The following CDH13 variants were observed in gnomAD, a reference collection of about 807,000 sequenced individuals.
The protein encoded by CDH13 is cadherin 13, also known as cadherin-13.
A neutral mutation model predicts 63.8 loss-of-function variants in CDH13; 24 were observed. The observed-to-expected ratio is 0.38, with a 90% confidence interval of 0.27 to 0.53. CDH13 has a LOEUF of 0.53. Among genes scored for constraint, CDH13 ranks in the 20% least tolerant of loss-of-function variants. The probability of loss-of-function intolerance (pLI) is 0.85; values close to 1 mark genes in which losing one functional copy is unlikely to be tolerated. For missense variants in CDH13, 1,049 were observed against 903.1 expected (o/e 1.16, Z -2.07); for synonymous variants, 503 against 355.3 (o/e 1.42, Z -4.67).
At chr16:82,725,665 A>G (rs1308794101) in intron 1 of CDH13, among the ~76,000 whole-genome samples, 1 of 152,114 alleles carries the variant, frequency 6.6e-6, no homozygotes, top group African/African-American at 2.4e-5. Context: ...TTCTCTATAC[A>G]TTGTACCTTT....
chr16:82,666,648 C>G (rs957661257), intron 1 of CDH13, among the ~76,000 whole-genome samples: 1 of 152,180 alleles, frequency 6.6e-6, no homozygotes, highest in South Asian at 2.1e-4. Context: ...GTTAACCATA[C>G]AACAACCATG....
intron 2 of CDH13, among the ~76,000 whole-genome samples, chr16:82,885,466 C>CCAT (rs112379822): frequency 7.7e-6 from 1 of 129,224 alleles, no homozygotes; most frequent in South Asian, 2.8e-4. Context: ...CATCCACCTA[C>CCAT]CCATCCATCC....
At chr16:83,042,002 T>C (rs1654776669) in intron 3 of CDH13, among the ~76,000 whole-genome samples, 1 of 152,208 alleles carries the variant, frequency 6.6e-6, no homozygotes, top group Non-Finnish European at 1.5e-5. Context: ...TAGACAAAAA[T>C]ACTTTTGCAC....
intron 3 of CDH13, among the ~76,000 whole-genome samples, chr16:83,105,816 G>T (rs1423237841): frequency 6.6e-6 from 1 of 152,188 alleles, no homozygotes; most frequent in Non-Finnish European, 1.5e-5. Flanking sequence ...GTGTATGTCT[G>T]TGTGTATCTG....
intron 1 of CDH13, among the ~76,000 whole-genome samples, chr16:82,730,967 A>C (rs935771918): frequency 6.6e-6 from 1 of 152,236 alleles, no homozygotes; most frequent in African/African-American, 2.4e-5. Context: ...TGATTATTTT[A>C]CTACATTTTA....
intron 6 of CDH13, among the ~76,000 whole-genome samples, chr16:83,352,466 G>A (rs2090972750): frequency 1.3e-5 from 2 of 152,024 alleles, no homozygotes; most frequent in Non-Finnish European, 2.9e-5. Context: ...TGCTACTACT[G>A]GGCGTCTACA....
chr16:83,790,577 G>C (rs1916193433), intron 13 of CDH13, among the ~76,000 whole-genome samples: 1 of 151,906 alleles, frequency 6.6e-6, no homozygotes, highest in African/African-American at 2.4e-5. Flanking sequence ...TGTTGTTTTT[G>C]TATTTTTAGT....
In CDH13 at chr16:82,627,019, C is replaced by A. The variant is rs749406850; in HGVS notation, c.-74C>A. ...GGCAGAGCCTCTCCTCAAAGCCTGG[C>A]TCCCACGGAAAATATGCTCAGTGCA... On this transcript the variant is annotated 5_prime_UTR_variant, in exon 1 of 14. Transcript: ENST00000567109. 5 of 1,533,620 alleles carry A rather than the reference C, an allele frequency of 3.3e-6. No individual in the cohort carries two copies. The highest frequency in any genetic ancestry group is 2.4e-5 in the East Asian group (1 of 41,070).
At chr16:82,801,356 G>C (rs765421572) in intron 1 of CDH13, among the ~76,000 whole-genome samples, 3 of 152,130 alleles carry the variant, frequency 2.0e-5, no homozygotes, top group Non-Finnish European at 4.4e-5. Context: ...CTCCTCGAGG[G>C]ACCTCTAGCT....
At chr16:83,030,393 T>C (rs1446511900) in intron 2 of CDH13, among the ~76,000 whole-genome samples, 1 of 152,060 alleles carries the variant, frequency 6.6e-6, no homozygotes, top group Non-Finnish European at 1.5e-5. Context: ...GTACAGTGGC[T>C]CACGCCTGTA....
chr16:82,901,275 A>G (rs922331183), intron 2 of CDH13, among the ~76,000 whole-genome samples: 2 of 151,796 alleles, frequency 1.3e-5, no homozygotes, highest in Non-Finnish European at 2.9e-5. Context: ...AGGCCTTCAA[A>G]TATGATTTAC....
At chr16:83,440,675 C>T (rs1175860598) in intron 6 of CDH13, among the ~76,000 whole-genome samples, 1 of 151,580 alleles carries the variant, frequency 6.6e-6, no homozygotes, top group Non-Finnish European at 1.5e-5. Flanking sequence ...GTCCCAGCTA[C>T]TCAGGAGGCT....
At chr16:83,460,995 G>GCACACACACA (rs35631596) in intron 6 of CDH13, among the ~76,000 whole-genome samples, 25 of 147,910 alleles carry the variant, frequency 1.7e-4, no homozygotes, top group African/African-American at 4.0e-4. Context: ...ACACACACAC[G>GCACACACACA]CACACACACA....
intron 4 of CDH13, among the ~76,000 whole-genome samples, chr16:83,203,468 T>C (rs866342561): frequency 3.9e-4 from 59 of 151,832 alleles, no homozygotes; most frequent in South Asian, 3.8e-3. Context: ...GGGCGGATCA[T>C]GAGGTTAGGA....
At chr16:83,292,527 T>A (rs1567569361) in intron 5 of CDH13, among the ~76,000 whole-genome samples, 1 of 152,202 alleles carries the variant, frequency 6.6e-6, no homozygotes, top group Non-Finnish European at 1.5e-5. Context: ...TAGAGCCATC[T>A]TTTTGTTTTG....
At chr16:83,300,856 A>C (rs1273633868) in intron 5 of CDH13, among the ~76,000 whole-genome samples, 1 of 152,130 alleles carries the variant, frequency 6.6e-6, no homozygotes, top group African/African-American at 2.4e-5. Context: ...CATCCTGGGA[A>C]GGAAAGCTAC....
intron 2 of CDH13, among the ~76,000 whole-genome samples, chr16:82,896,353 G>A (rs969935446): frequency 4.3e-5 from 6 of 140,800 alleles, no homozygotes; most frequent in Admixed American, 8.1e-5. Context: ...GTGCAGTGGC[G>A]CTATCACAGC....
intron 5 of CDH13, among the ~76,000 whole-genome samples, chr16:83,267,376 G>A (rs990993810): frequency 6.6e-6 from 1 of 152,142 alleles, no homozygotes; most frequent in Non-Finnish European, 1.5e-5. Context: ...CAGAATAGCT[G>A]TACAGCTACC....
chr16:83,577,921 A>G (rs185886016), intron 7 of CDH13, among the ~76,000 whole-genome samples: 1 of 152,340 alleles, frequency 6.6e-6, no homozygotes, highest in African/African-American at 2.4e-5. Flanking sequence ...CTCCTGCTCT[A>G]TTTATATATT....
Sources: gnomAD v4.1 joint callset for allele counts (sites outside exome capture counted in the v4.1 genomes callset) on GRCh38, gnomAD v4.1.1 for gene constraint, MANE v1.5 for transcripts, NCBI Gene and HGNC (gene_info 2026-07-23, HGNC 2026-07-21) for gene names.